The following COL8A2 variants were observed in gnomAD, a reference collection of about 807,000 sequenced individuals.
The protein encoded by COL8A2 is collagen type VIII alpha 2 chain, also known as collagen alpha-2(VIII) chain.
Under a neutral mutation model 24.0 loss-of-function variants are expected in COL8A2, and 16 were observed. That is an observed-to-expected ratio of 0.67 (90% CI 0.45 to 1.01). The LOEUF is 1.01. COL8A2 is among the 50% of genes least tolerant of loss of function. The pLI is 0.00. For missense variants in COL8A2, 818 were observed against 942.4 expected (o/e 0.87, Z 1.73); for synonymous variants, 466 against 424.5 (o/e 1.10, Z -1.20).
rs975471097 is a variant in COL8A2 at position 36,115,262 on chromosome 1, C to G, written c.-17+446G>C. Among the ~76,000 whole-genome samples, 1 of 152,218 alleles carries G rather than the reference C, an allele frequency of 6.6e-6. No homozygotes were observed. The highest frequency in any genetic ancestry group is 2.4e-5 in the African/African-American group (1 of 41,462). ...GGCCTCCTCAGCCTCCAATCCCTCACCTTCTGGTTCGCATTTGCAGCCTTT... is the reference window on the plus strand; with the variant it reads ...GGCCTCCTCAGCCTCCAATCCCTCAGCTTCTGGTTCGCATTTGCAGCCTTT... On this transcript the variant is annotated intron_variant, in intron 2 of 3. Transcript: ENST00000397799. This position sits in a 1 kb window ranked among gnomAD's most constrained non-coding sequence, Gnocchi z 5.7.
At chr1:36,121,502 C>T (rs1643914202) in intron 1 of COL8A2, among the ~76,000 whole-genome samples, 1 of 150,972 alleles carries the variant, frequency 6.6e-6, no homozygotes, top group East Asian at 1.9e-4. Context: ...GGGCGGATCA[C>T]CTGAGGTCAG....
chr1:36,108,868 C>T (rs568029077), intron 2 of COL8A2, among the ~76,000 whole-genome samples: 6 of 152,180 alleles, frequency 3.9e-5, no homozygotes, highest in Non-Finnish European at 8.8e-5. Flanking sequence ...GAGTCCTTTC[C>T]TAGAGGCGAC....
At position 36,099,336 on chromosome 1, in the gene COL8A2, C is replaced by T; in HGVS notation, c.345G>A (p.Gly115=). 1 of 1,581,976 alleles carries T rather than the reference C, an allele frequency of 6.3e-7. No individual in the cohort carries two copies. Among genetic ancestry groups the T allele is most frequent in the South Asian group, 1.2e-5 (1 of 86,922 alleles). Residue 115 remains glycine (G), a synonymous_variant, in exon 4 of 4, where the codon GGG becomes GGA. Transcript: ENST00000397799. ...PGLHGQPGPA[G]PPGFSRMGKA... ...TGCCCATCCGGGAGAAGCCAGGGGG[C>T]CCAGCAGGGCCAGGCTGCCCATGGA...
chr1:36,109,465 CA>C (rs1204137963), intron 2 of COL8A2, among the ~76,000 whole-genome samples: 1 of 152,214 alleles, frequency 6.6e-6, no homozygotes, highest in Non-Finnish European at 1.5e-5. Flanking sequence ...CCTGTTTCAG[CA>C]CAGCTACTTA....
At position 36,097,883 on chromosome 1, in the gene COL8A2, T is replaced by G; in HGVS notation, c.1798A>C (p.Asn600His). The G allele has an allele frequency of 6.2e-7, 1 of 1,612,642 alleles. No homozygotes were observed. The highest frequency in any genetic ancestry group is 8.5e-7 in the Non-Finnish European group (1 of 1,179,980). The change falls in exon 4 of 4, where the codon AAT becomes CAT. Residue 600 changes from asparagine (N) to histidine (H), a missense_variant. Asn to His is a moderately conservative substitution (Grantham distance 68, BLOSUM62 1). Transcript: ENST00000397799. ...MPVKFDRTLY[N>H]GHSGYNPATG... ...GCTGGGTTGTAGCCGCTGTGGCCAT[T>G]GTAGAGAGTCCGGTCAAATTTCACG...
intron 2 of COL8A2, among the ~76,000 whole-genome samples, chr1:36,107,784 T>G (rs1328725104): frequency 5.4e-5 from 8 of 149,490 alleles, no homozygotes; most frequent in Non-Finnish European, 1.2e-4. Flanking sequence ...ACCTGCCTCC[T>G]TTTCACTGCA....
At chr1:36,118,624 C>T (rs1380200452) in intron 1 of COL8A2, among the ~76,000 whole-genome samples, 1 of 152,224 alleles carries the variant, frequency 6.6e-6, no homozygotes, top group African/African-American at 2.4e-5. Flanking sequence ...TGCACAGAGC[C>T]TGCCGCTGTT....
chr1:36,108,070 A>G (rs923554637), intron 2 of COL8A2, among the ~76,000 whole-genome samples: 1 of 152,232 alleles, frequency 6.6e-6, no homozygotes, highest in African/African-American at 2.4e-5. Context: ...CATCAAATTT[A>G]AAGGACACAC....
In COL8A2 at chr1:36,099,029, C is replaced by T. The variant is rs750896626; in HGVS notation, c.652G>A (p.Ala218Thr). ...NGVGQPGLPG[A>T]PGQGGAPGPP... ...CCGGGGGCACCCCCCTGCCCTGGGG[C>T]CCCAGGCAGCCCGGGCTGGCCCACT... is the stretch of plus-strand genomic sequence containing the variant. Residue 218 changes from alanine to threonine, a missense_variant, in exon 4 of 4, where the codon GCC (alanine) becomes ACC (threonine). Physicochemically the swap from Ala to Thr is moderately conservative, Grantham distance 58. Coordinates refer to ENST00000397799, the MANE Select transcript of COL8A2 (RefSeq NM_005202.4). 1 of 1,544,150 alleles carries T rather than the reference C, an allele frequency of 6.5e-7. No individual in the cohort carries two copies. Among genetic ancestry groups the T allele is most frequent in the Non-Finnish European group, 8.7e-7 (1 of 1,146,470 alleles).
intron 1 of COL8A2, among the ~76,000 whole-genome samples, chr1:36,120,073 C>A (rs1278335040): frequency 6.6e-6 from 1 of 152,186 alleles, no homozygotes; most frequent in South Asian, 2.1e-4. Context: ...ACCATCCCAG[C>A]CCTCACGGTT....
Position 36,112,786 on chromosome 1 carries a change from A to C in COL8A2, c.-17+2922T>G, listed in dbSNP as rs544064028. Among the ~76,000 whole-genome samples the C allele has an allele frequency of 2.0e-5, 3 of 152,254 alleles. No individual in the cohort carries two copies. In the South Asian group the frequency reaches 6.2e-4, roughly 32 times the overall value. ...TGCATCTGGATGACTGGGACAGCCTATCACCATGCAGGTTCTGGGGCCCCA... is the reference window on the plus strand; with the variant it reads ...TGCATCTGGATGACTGGGACAGCCTCTCACCATGCAGGTTCTGGGGCCCCA... On this transcript the variant is annotated intron_variant, in intron 2 of 3. Coordinates refer to ENST00000397799, the MANE Select transcript of COL8A2 (RefSeq NM_005202.4).
intron 3 of COL8A2, among the ~76,000 whole-genome samples, 168 bp downstream of exon 3, chr1:36,099,882 G>A (rs1418256541): frequency 2.0e-5 from 3 of 152,184 alleles, no homozygotes; most frequent in Non-Finnish European, 4.4e-5. Flanking sequence ...CCAGCTAACT[G>A]CACCGTTTCC....
intron 2 of COL8A2, among the ~76,000 whole-genome samples, chr1:36,112,067 G>C (rs1412015093): frequency 6.6e-6 from 1 of 152,056 alleles, no homozygotes; most frequent in South Asian, 2.1e-4. Flanking sequence ...GCAGTGACGC[G>C]ATCTTGGCTC....
Position 36,099,444 on chromosome 1 carries a change from G to C in COL8A2, c.237C>G (p.Pro79=). The stretch of plus-strand genomic sequence containing the variant: ...GAGGCCCGGGCTTCCCAGGGGGGCC[G>C]GGCTCTCCCTTCAGGTCCATCGGCA... ...PLLPMDLKGE[P]GPPGKPGPRG... The change falls in exon 4 of 4, where the codon CCC becomes CCG. Residue 79 remains proline, a synonymous_variant. Transcript: ENST00000397799. 1 of 1,544,946 alleles carries C rather than the reference G, an allele frequency of 6.5e-7. No individual in the cohort carries two copies. The highest frequency in any genetic ancestry group is 8.7e-7 in the Non-Finnish European group (1 of 1,150,418).
intron 2 of COL8A2, among the ~76,000 whole-genome samples, chr1:36,107,216 G>A (rs901974552): frequency 6.6e-6 from 1 of 152,112 alleles, no homozygotes; most frequent in East Asian, 1.9e-4. Context: ...ACCAGCCTGG[G>A]CTATGTAGTG....
In COL8A2 at chr1:36,097,982, C is replaced by T. The variant is rs142307403; in HGVS notation, c.1699G>A (p.Gly567Ser). Residue 567 changes from glycine (G) to serine (S), a missense_variant, in exon 4 of 4, where the codon GGC becomes AGC. Physicochemically the swap from Gly to Ser is moderately conservative, Grantham distance 56. This residue lies in a region of COL8A2 where 235 missense variants were observed against 297.3 expected (regional missense o/e 0.79). Transcript: ENST00000397799. ...GKGGKPQFGL[G>S]ELSAHATPAF... ...GGTGTGGCATGGGCAGACAGCTCGC[C>T]CAGCCCAAACTGTGGCTTGCCCCCC... The T allele has an allele frequency of 7.8e-4, 1,247 of 1,605,434 alleles. 5 individuals are homozygous for T. The Middle Eastern group carries it at 0.016, about 21-fold the overall frequency.
At chr1:36,108,151 C>G (rs1248609788) in intron 2 of COL8A2, among the ~76,000 whole-genome samples, 2 of 152,232 alleles carry the variant, frequency 1.3e-5, no homozygotes, top group African/African-American at 4.8e-5. Context: ...AGTCCATTCC[C>G]CAGGTCCAAG....
At position 36,097,529 on chromosome 1, in the gene COL8A2, A is replaced by G. The variant is rs1643587315; in HGVS notation, c.*40T>C. Reference sequence around the variant, plus strand: ...TAATTGAAAAGGTCGCTCTACCACTAAAGGGGAGGAGGCCAGGGCAGCAGG... The same window carrying G: ...TAATTGAAAAGGTCGCTCTACCACTGAAGGGGAGGAGGCCAGGGCAGCAGG... On this transcript the variant is annotated 3_prime_UTR_variant, in exon 4 of 4. Coordinates refer to ENST00000397799, the MANE Select transcript of COL8A2 (RefSeq NM_005202.4). 1.3e-6 allele frequency: 2 copies of G among 1,482,348 alleles called. No homozygotes were observed. The highest frequency in any genetic ancestry group is 1.9e-6 in the Non-Finnish European group (2 of 1,079,310). The allele number at this position is 1,482,348 out of a possible 1,614,324, so 91.8% of individuals were successfully genotyped here.
chr1:36,118,903 G>A (rs1323061644), intron 1 of COL8A2, among the ~76,000 whole-genome samples: 4 of 152,152 alleles, frequency 2.6e-5, no homozygotes, highest in Non-Finnish European at 5.9e-5. Context: ...AAATCATGTC[G>A]GATTAAGAGG....
Sources: gnomAD v4.1 joint callset for allele counts (sites outside exome capture counted in the v4.1 genomes callset) on GRCh38, gnomAD v4.1.1 for gene constraint, gnomAD v4.1.1 regional missense constraint, Gnocchi (gnomAD v3.1) non-coding constraint, MANE v1.5 for transcripts, NCBI Gene and HGNC (gene_info 2026-07-23, HGNC 2026-07-21) for gene names.